The following LTA4H variants were observed in gnomAD, a reference collection of about 807,000 sequenced individuals.
The protein encoded by LTA4H is leukotriene A4 hydrolase.
Under a neutral mutation model 89.8 loss-of-function variants are expected in LTA4H, and 59 were observed. That is an observed-to-expected ratio of 0.66 (90% CI 0.53 to 0.82). The LOEUF is 0.82. LTA4H is among the 40% of genes least tolerant of loss of function. LTA4H has a pLI of 0.00. For synonymous variants in LTA4H, 227 were observed against 253.1 expected (o/e 0.90, Z 0.98); for missense variants, 617 against 727.0 (o/e 0.85, Z 1.74).
At chr12:96,023,293 C>T (rs527860167) in intron 4 of LTA4H, among the ~76,000 whole-genome samples, 2 of 152,132 alleles carry the variant, frequency 1.3e-5, no homozygotes, top group Admixed American at 1.3e-4. Context: ...TTCGGTTCAG[C>T]CACCTCCCTT....
In LTA4H at chr12:96,015,585, A is replaced by C; in HGVS notation, c.1057T>G (p.Ser353Ala). Residue 353 changes from serine (S) to alanine (A), a missense_variant and splice_region_variant, in exon 11 of 19, where the codon TCG becomes GCG. Transcript: ENST00000228740. ...TTTTAAAACTTTGACTCCTTTACCGAATTCTGTAGTTCTCCCCATCCTCCC... is the reference window on the plus strand; with the variant it reads ...TTTTAAAACTTTGACTCCTTTACCGCATTCTGTAGTTCTCCCCATCCTCCC... ...ALGGWGELQN[S>A]VKTFGETHPF... 1 of 1,606,870 alleles carries C rather than the reference A, an allele frequency of 6.2e-7. No homozygotes were observed. The highest frequency in any genetic ancestry group is 1.1e-5 in the South Asian group (1 of 90,400).
intron 18 of LTA4H, 74 bp from the exon 19 acceptor site, chr12:96,001,180 G>A: frequency 2.2e-6 from 2 of 890,422 alleles, no homozygotes; most frequent in Non-Finnish European, 3.7e-6. Flanking sequence ...AGGGAGAGAA[G>A]AAAGAAAGGA....
At position 96,001,008 on chromosome 12, in the gene LTA4H, T is replaced by C. The variant is rs899651256; in HGVS notation, c.1817A>G (p.Lys606Arg). Reference protein sequence around the residue: ...MHPVTAMLVGKDLKVD With the variant: ...MHPVTAMLVGRDLKVD Reference sequence around the variant, plus strand: ...AGGTCTTTAATCCACTTTTAAGTCTTTCCCCACCAGCATTGCAGTCACGGG... The same window carrying C: ...AGGTCTTTAATCCACTTTTAAGTCTCTCCCCACCAGCATTGCAGTCACGGG... Residue 606 changes from lysine to arginine, a missense_variant, in exon 19 of 19, where the codon AAA becomes AGA. Lys to Arg is a conservative substitution (Grantham distance 26, BLOSUM62 2). Transcript: ENST00000228740. 2 of 1,613,508 alleles carry C rather than the reference T, an allele frequency of 1.2e-6. No homozygotes were observed. The highest frequency in any genetic ancestry group is 1.7e-6 in the Non-Finnish European group (2 of 1,179,382).
upstream of LTA4H, among the ~76,000 whole-genome samples, chr12:96,037,131 T>G (rs1244420993): frequency 9.2e-5 from 14 of 152,154 alleles, no homozygotes; most frequent in Admixed American, 9.2e-4. Flanking sequence ...TCAGACAGAT[T>G]TAAGGGGAAG....
At chr12:96,018,662 TCTAAG>T (rs1280762983) in intron 8 of LTA4H, 96 bp downstream of exon 8, 1 of 721,432 alleles carries the variant, frequency 1.4e-6, no homozygotes, top group Non-Finnish European at 2.0e-6. Context: ...TTATTAGGAC[TCTAAG>T]GTTCTTTACA....
upstream of LTA4H, among the ~76,000 whole-genome samples, chr12:96,036,211 C>G (rs970226597): frequency 6.6e-6 from 1 of 152,212 alleles, no homozygotes; most frequent in Admixed American, 6.5e-5. Flanking sequence ...ACGGAGAAAG[C>G]CAACATTCCC....
At chr12:96,036,144 G>C (rs1950644945), upstream of LTA4H, among the ~76,000 whole-genome samples, 1 of 152,212 alleles carries the variant, frequency 6.6e-6, no homozygotes, top group South Asian at 2.1e-4. Flanking sequence ...GGTTTAAACA[G>C]TTGTTTTGTC....
intron 5 of LTA4H, among the ~76,000 whole-genome samples, chr12:96,021,554 T>A (rs943256640): frequency 1.1e-4 from 17 of 152,138 alleles, no homozygotes; most frequent in African/African-American, 4.1e-4. Flanking sequence ...ATTGGCATGT[T>A]GTAGAGGCAC....
intron 18 of LTA4H, among the ~76,000 whole-genome samples, chr12:96,001,450 C>T (rs1188592941): frequency 6.6e-6 from 1 of 152,050 alleles, no homozygotes; most frequent in Non-Finnish European, 1.5e-5. Flanking sequence ...GGCTGGGACC[C>T]GTGGCTATTT....
At chr12:96,004,689 CCA>C (rs1341949941) in intron 16 of LTA4H, among the ~76,000 whole-genome samples, 1 of 152,188 alleles carries the variant, frequency 6.6e-6, no homozygotes, top group Non-Finnish European at 1.5e-5. Context: ...TTACAGGACT[CCA>C]CACTCACTAA....
At chr12:96,005,077 T>C (rs1242692767) in intron 16 of LTA4H, among the ~76,000 whole-genome samples, 1 of 152,194 alleles carries the variant, frequency 6.6e-6, no homozygotes, top group East Asian at 1.9e-4. Flanking sequence ...GACTGAAGAC[T>C]TCCCTTTCAT....
chr12:96,005,936 C>T (rs1163502664), intron 16 of LTA4H, among the ~76,000 whole-genome samples: 5 of 151,796 alleles, frequency 3.3e-5, no homozygotes, highest in Non-Finnish European at 7.4e-5. Flanking sequence ...TTAGTAGAGA[C>T]GAGATTTCAT....
chr12:96,036,537 A>G (rs1435770076), upstream of LTA4H, among the ~76,000 whole-genome samples: 1 of 152,156 alleles, frequency 6.6e-6, no homozygotes, highest in Non-Finnish European at 1.5e-5. Context: ...TTAGCAGGAG[A>G]TTTAGGAAAC....
chr12:96,022,209 G>T lies in LTA4H; in HGVS notation c.523C>A (p.Arg175Ser). The T allele has an allele frequency of 1.9e-6, 3 of 1,613,692 alleles. No individual in the cohort carries two copies. Among genetic ancestry groups the T allele is most frequent in the Non-Finnish European group, 2.5e-6 (3 of 1,179,778 alleles). ...KELVALMSAI[R>S]DGETPDPEDP... ...TCTGGGTCAGGTGTTTCTCCATCACGAATAGCACTCATAAGTGCCACCAGT... is the reference window on the plus strand; with the variant it reads ...TCTGGGTCAGGTGTTTCTCCATCACTAATAGCACTCATAAGTGCCACCAGT... Residue 175 changes from arginine to serine, a missense_variant, in exon 5 of 19, where the codon CGT (arginine) becomes AGT (serine). This residue lies in a region of LTA4H where 172 missense variants were observed against 244.5 expected (regional missense o/e 0.70). Coordinates refer to ENST00000228740, the MANE Select transcript of LTA4H (RefSeq NM_000895.3). This position sits in a 1 kb window ranked among gnomAD's most constrained non-coding sequence, Gnocchi z 4.0.
At chr12:96,037,755 G>T (rs558556709), upstream of LTA4H, among the ~76,000 whole-genome samples, 1 of 144,636 alleles carries the variant, frequency 6.9e-6, no homozygotes. Flanking sequence ...GTGCAGTGGC[G>T]CAATCTCGGC....
chr12:96,037,889 A>G (rs141173869), upstream of LTA4H, among the ~76,000 whole-genome samples: 2 of 152,074 alleles, frequency 1.3e-5, no homozygotes, highest in African/African-American at 4.8e-5. Context: ...ACGGGGTTTC[A>G]CCGTGTTAGC....
chr12:96,012,609 G>A (rs1950320720), intron 14 of LTA4H: 1 of 152,624 alleles, frequency 6.6e-6, no homozygotes. Flanking sequence ...TACTTGTAAG[G>A]CTGAGGTAGG....
intron 2 of LTA4H, chr12:96,027,839 C>A (rs757891374): frequency 4.0e-5 from 8 of 199,632 alleles, no homozygotes; most frequent in African/African-American, 1.9e-4. Context: ...TTGTGTGTCA[C>A]GTACTTTGCA....
chr12:96,003,616 A>C, intron 17 of LTA4H: 1 of 327,528 alleles, frequency 3.1e-6, no homozygotes, highest in Non-Finnish European at 5.5e-6. Context: ...CTTTTAAGGC[A>C]AGAGAGGTTT....
Sources: gnomAD v4.1 joint callset for allele counts (sites outside exome capture counted in the v4.1 genomes callset) on GRCh38, gnomAD v4.1.1 for gene constraint, gnomAD v4.1.1 regional missense constraint, Gnocchi (gnomAD v3.1) non-coding constraint, MANE v1.5 for transcripts, NCBI Gene and HGNC (gene_info 2026-07-23, HGNC 2026-07-21) for gene names.